The following OSBPL2 variants were observed in gnomAD, a reference collection of about 807,000 sequenced individuals.
OSBPL2 encodes oxysterol-binding protein-related protein 2.
A neutral mutation model predicts 58.4 loss-of-function variants in OSBPL2; 18 were observed. The observed-to-expected ratio is 0.31, with a 90% CI of 0.21 to 0.46. OSBPL2 has a LOEUF of 0.46. Among genes scored for constraint, OSBPL2 ranks in the 20% least tolerant of loss-of-function variants. The pLI, the probability that OSBPL2 is intolerant of heterozygous loss-of-function variation, is 1.00. For missense variants in OSBPL2, 461 were observed against 616.5 expected (o/e 0.75, Z 2.67); for synonymous variants, 221 against 234.1 (o/e 0.94, Z 0.51).
intron 7 of OSBPL2, 60 bp downstream of exon 7, chr20:62,279,399 T>C (rs1364894429): frequency 6.5e-7 from 1 of 1,537,046 alleles, no homozygotes; most frequent in East Asian, 2.3e-5. Context: ...TGGGTGCTGG[T>C]GATGTGGAGG....
chr20:62,283,965 A>G, intron 9 of OSBPL2, 81 bp from the exon 10 acceptor site: 1 of 1,389,520 alleles, frequency 7.2e-7, no homozygotes, highest in Non-Finnish European at 1.0e-6. Flanking sequence ...CCTGAGGGGA[A>G]TTTATTCCAG....
intron 4 of OSBPL2, 130 bp from the exon 5 acceptor site, chr20:62,271,995 G>C (rs1260585142): frequency 9.3e-7 from 1 of 1,075,134 alleles, no homozygotes; most frequent in African/African-American, 1.6e-5. Context: ...CTCACCCATG[G>C]GGGGTTTGAA....
chr20:62,244,159 G>A lies in OSBPL2; in HGVS notation c.-129+5562G>A, dbSNP rs371290607. 2.0e-5 allele frequency among the ~76,000 whole-genome samples: 3 copies of A among 152,150 alleles called. No homozygotes were observed. The South Asian group carries it at 6.2e-4, about 31-fold the overall frequency. ...TGGGCAGGTGCCCTGGGGAAGGCCG[G>A]GAGCCCTGCAGGACAACAGCCTCTC... On this transcript the variant is annotated intron_variant, in intron 1 of 13. Transcript: ENST00000313733.
In OSBPL2 at chr20:62,281,777, G is replaced by A; in HGVS notation, c.783-13G>A. ...TGTCTTGCAGCAGAAACCTGTGTTTGTTTTTCTCACAGAACTGGACATAAG... is the reference window on the plus strand; with the variant it reads ...TGTCTTGCAGCAGAAACCTGTGTTTATTTTTCTCACAGAACTGGACATAAG... On this transcript the variant is annotated splice_polypyrimidine_tract_variant and intron_variant, in intron 8 of 13. Transcript: ENST00000313733. 6.3e-7 allele frequency: 1 copy of A among 1,590,482 alleles called. No homozygotes were observed. The highest frequency in any genetic ancestry group is 8.6e-7 in the Non-Finnish European group (1 of 1,159,492).
chr20:62,250,047 G>T (rs931116150), intron 1 of OSBPL2, among the ~76,000 whole-genome samples: 1 of 152,184 alleles, frequency 6.6e-6, no homozygotes, highest in Non-Finnish European at 1.5e-5. Flanking sequence ...TCAGCTCCAG[G>T]GTTGCCCCCT....
rs1364542735 is a variant in OSBPL2 at position 62,238,541 on chromosome 20, C to CGGGGCG, written c.-175_-170dup. ...TCGGTGTCAGTGGGTCGCGGGCCTA[C>CGGGGCG]GGGGCGGGGGCGGGGCGGCAGTGAG... On this transcript the variant is annotated 5_prime_UTR_variant, in exon 1 of 14. Coordinates refer to ENST00000313733, the MANE Select transcript of OSBPL2 (RefSeq NM_144498.4). 3.3e-4 allele frequency: 50 copies of CGGGGCG among 149,498 alleles called. No individual in the cohort carries two copies. Among genetic ancestry groups the CGGGGCG allele is most frequent in the South Asian group, 8.1e-4 (4 of 4,916 alleles). The allele number at this position is 149,498 out of a possible 1,614,324, so 9.3% of individuals were successfully genotyped here. A position where few individuals can be genotyped will look rare whatever the true frequency, so the allele number is the denominator to read the frequency against.
chr20:62,268,928 A>G (rs899778588), intron 4 of OSBPL2, among the ~76,000 whole-genome samples: 1 of 152,136 alleles, frequency 6.6e-6, no homozygotes, highest in Non-Finnish European at 1.5e-5. Flanking sequence ...GTGGCAGTGC[A>G]TGCCTGTAAT....
At chr20:62,240,014 G>T (rs540182343) in intron 1 of OSBPL2, among the ~76,000 whole-genome samples, 1 of 152,020 alleles carries the variant, frequency 6.6e-6, no homozygotes, top group Non-Finnish European at 1.5e-5. Context: ...CACCACGCCC[G>T]CCTAATTTTT....
chr20:62,280,109 A>G, intron 7 of OSBPL2: 8 of 1,303,710 alleles, frequency 6.1e-6, no homozygotes, highest in South Asian at 1.2e-5. Context: ...CTCCTGGGCC[A>G]CCAGTTCTGA....
intron 1 of OSBPL2, among the ~76,000 whole-genome samples, chr20:62,241,929 T>G (rs1330987231): frequency 2.6e-5 from 4 of 152,226 alleles, no homozygotes; most frequent in Admixed American, 1.3e-4. Context: ...GGTACGAGGT[T>G]TAATTCCAAT....
intron 3 of OSBPL2, among the ~76,000 whole-genome samples, chr20:62,263,265 C>T (rs1377663941): frequency 6.6e-6 from 1 of 152,174 alleles, no homozygotes; most frequent in Non-Finnish European, 1.5e-5. Context: ...GCCGCTGCCC[C>T]AGGGACCCAG....
chr20:62,277,455 G>A (rs74842982), intron 6 of OSBPL2, among the ~76,000 whole-genome samples: 1,793 of 152,258 alleles, frequency 0.012, 29 homozygotes, highest in African/African-American at 0.041. Flanking sequence ...TCGCAACGCC[G>A]AGACACGTCG....
rs939329307 is a variant in OSBPL2, at chr20:62,294,004, A to C, written c.*117A>C. The stretch of plus-strand genomic sequence containing the variant: ...ACTTTTCTAACGACTGAGTTCGCGG[A>C]GATAGCATCATCCCTGATCAAGGAT... On this transcript the variant is annotated 3_prime_UTR_variant, in exon 14 of 14. Transcript: ENST00000313733. 3 of 1,319,456 alleles carry C rather than the reference A, an allele frequency of 2.3e-6. No individual in the cohort carries two copies. Among genetic ancestry groups the C allele is most frequent in the Non-Finnish European group, 2.0e-6 (2 of 980,080 alleles). 81.7% of individuals were successfully genotyped at this position (1,319,456 alleles called of 1,614,324 possible). A position where few individuals can be genotyped will look rare whatever the true frequency, so the allele number is the denominator to read the frequency against.
intron 1 of OSBPL2, among the ~76,000 whole-genome samples, chr20:62,253,348 A>G (rs890408500): frequency 6.6e-6 from 1 of 152,244 alleles, no homozygotes; most frequent in Non-Finnish European, 1.5e-5. Flanking sequence ...GGCATCATCC[A>G]CCATGACCAG....
At chr20:62,277,563 C>T (rs891514844) in intron 6 of OSBPL2, among the ~76,000 whole-genome samples, 17 of 152,226 alleles carry the variant, frequency 1.1e-4, no homozygotes, top group African/African-American at 3.1e-4. Context: ...GGGCCATGGA[C>T]GTGGACCAAG....
rs1224834339 is a variant in OSBPL2, at chr20:62,295,429, C to G, written c.*1542C>G. 1 of 152,210 alleles carries G rather than the reference C, an allele frequency of 6.6e-6. No individual in the cohort carries two copies. Among genetic ancestry groups the G allele is most frequent in the Non-Finnish European group, 1.5e-5 (1 of 68,038 alleles). 9.4% of individuals were successfully genotyped at this position (152,210 alleles called of 1,614,324 possible). On this transcript the variant is annotated 3_prime_UTR_variant, in exon 14 of 14. Coordinates refer to ENST00000313733, the MANE Select transcript of OSBPL2 (RefSeq NM_144498.4). The surrounding 1 kb of genome is among the most constrained non-coding windows in gnomAD (Gnocchi z 4.8). ...AGTGACAGGTGCCACCTGCGTGTGT[C>G]TTGGCGTCCACATCACACCTGTGAC... is the stretch of plus-strand genomic sequence containing the variant.
chr20:62,272,736 T>A (rs1982142919), intron 5 of OSBPL2, among the ~76,000 whole-genome samples: 1 of 152,166 alleles, frequency 6.6e-6, no homozygotes, highest in African/African-American at 2.4e-5. Context: ...TCTACAAAAA[T>A]TTTTTAAAAC....
chr20:62,270,450 C>T (rs1186035361), intron 4 of OSBPL2, among the ~76,000 whole-genome samples: 1 of 107,350 alleles, frequency 9.3e-6, no homozygotes, highest in Admixed American at 8.8e-5. Flanking sequence ...TCTCTGGCCT[C>T]TCTGGGTCCT....
chr20:62,283,585 T>A (rs182373966), intron 9 of OSBPL2, among the ~76,000 whole-genome samples: 14 of 152,286 alleles, frequency 9.2e-5, no homozygotes, highest in Admixed American at 9.1e-4. Context: ...ACTGCACTGA[T>A]TGATAGAAAA....
Sources: allele counts gnomAD v4.1 joint callset (sites outside exome capture counted in the v4.1 genomes callset), GRCh38; gene constraint gnomAD v4.1.1; non-coding constraint Gnocchi (gnomAD v3.1); transcripts MANE v1.5; gene names NCBI Gene and HGNC (gene_info 2026-07-23, HGNC 2026-07-21).